NEB: variants seen among roughly 807,000 people sequenced by gnomAD.
NEB encodes the protein nebulin.
A neutral mutation model predicts 952.2 loss-of-function variants in NEB; 512 were observed. The ratio of observed to expected loss-of-function variants is 0.54; its 90% CI spans 0.50 to 0.58. NEB has a LOEUF of 0.58. NEB is among the 20% of genes least tolerant of loss of function. The pLI is 0.00. For missense variants in NEB, 8,428 were observed against 9,231.1 expected, an observed-to-expected ratio of 0.91 and a Z score of 3.56; for synonymous variants, 2,900 against 3,149.8, an observed-to-expected ratio of 0.92 and a Z score of 2.66.
intron 48 of NEB, 22 bp downstream of exon 48, chr2:151,657,961 T>C: frequency 6.5e-7 from 1 of 1,535,842 alleles, no homozygotes; most frequent in East Asian, 2.3e-5. Context: ...CCCAGCCAGG[T>C]GACCGTTTCC....
intron 9 of NEB, among the ~76,000 whole-genome samples, chr2:151,720,878 A>G (rs2099772363): frequency 6.6e-6 from 1 of 152,136 alleles, no homozygotes; most frequent in African/African-American, 2.4e-5. Flanking sequence ...ATGACTCTCA[A>G]ATATTAATTT....
intron 62 of NEB, 56 bp from the exon 63 acceptor site, chr2:151,639,440 G>C (rs954151310): frequency 8.1e-7 from 1 of 1,241,614 alleles, no homozygotes; most frequent in Non-Finnish European, 1.1e-6. Flanking sequence ...ATAGTTAATA[G>C]GAATTTTAGG....
At chr2:151,520,039 CAA>C (rs5835369) in intron 153 of NEB, 8,465 of 158,584 alleles carry the variant, frequency 0.053, 171 homozygotes, top group East Asian at 0.23. Flanking sequence ...TAATGCAAAA[CAA>C]AAAAAAAAAA....
At chr2:151,506,474 A>G (rs1480687253) in intron 163 of NEB, 2 of 514,680 alleles carry the variant, frequency 3.9e-6, no homozygotes, top group East Asian at 6.2e-5. Flanking sequence ...GATTTCTTCT[A>G]AGATTGTGGT....
rs2093434337 is a variant in NEB, at chr2:151,537,892, C to T, written c.21082G>A (p.Val7028Ile). Residue 7028 changes from valine to isoleucine, a missense_variant, in exon 140 of 182, where the codon GTC becomes ATC. Coordinates refer to ENST00000397345, the MANE Select transcript of NEB (RefSeq NM_001164508.2). ...DRPEHFHHRA[V>I]TDTVSDVKYK... ...CTCACATCACTGACTGTGTCAGTGA[C>T]TGCTCGGTGGTGGAAATGCTCTGGA... 7 of 1,611,014 alleles carry T rather than the reference C, an allele frequency of 4.3e-6. No homozygotes were observed. Among genetic ancestry groups the T allele is most frequent in the Non-Finnish European group, 5.9e-6 (7 of 1,178,606 alleles).
At chr2:151,511,481 A>AC (rs1256209281) in intron 161 of NEB, among the ~76,000 whole-genome samples, 3 of 152,228 alleles carry the variant, frequency 2.0e-5, no homozygotes, top group Non-Finnish European at 4.4e-5. Flanking sequence ...AAACAAACAA[A>AC]AATAGATTTC....
intron 127 of NEB, 54 bp from the exon 128 acceptor site, chr2:151,552,830 T>C (rs1577226209): frequency 7.4e-7 from 1 of 1,342,542 alleles, no homozygotes; most frequent in Non-Finnish European, 1.1e-6. Flanking sequence ...TGCTTGAAAC[T>C]GCTGGTTTTC....
chr2:151,525,373 A>C, intron 150 of NEB, 100 bp from the exon 151 acceptor site: 1 of 869,932 alleles, frequency 1.1e-6, no homozygotes, highest in Non-Finnish European at 1.8e-6. Context: ...CATGCTCCCC[A>C]TTTTGGCGTC....
intron 179 of NEB, 45 bp downstream of exon 179, chr2:151,491,638 C>T: frequency 7.0e-7 from 1 of 1,425,980 alleles, no homozygotes; most frequent in Non-Finnish European, 9.7e-7. Context: ...CTCTAGCATA[C>T]TAAATGGTGA....
At chr2:151,489,636 A>G (rs1048037882) in intron 181 of NEB, among the ~76,000 whole-genome samples, 8 of 152,164 alleles carry the variant, frequency 5.3e-5, no homozygotes, top group Admixed American at 6.6e-5. Flanking sequence ...AGCTCAAGCA[A>G]TCCTCCTGCA....
At chr2:151,664,738 T>G in intron 43 of NEB, 21 bp downstream of exon 43, 1 of 1,583,234 alleles carries the variant, frequency 6.3e-7, no homozygotes, top group East Asian at 2.2e-5. Context: ...CCCCAGCTTT[T>G]GCTGTTGTTA....
At position 151,644,502 on chromosome 2, in the gene NEB, T is replaced by G. The variant is rs375216853; in HGVS notation, c.7610A>C (p.Lys2537Thr). ...YDLPVDAIPIKAAKASREIAS... is the reference protein window; with the variant it reads ...YDLPVDAIPITAAKASREIAS... ...AATTTCCCGGGAGGCTTTTGCTGCT[T>G]TGATTGGTATGGCATCAACAGGAAG... The change falls in exon 56 of 182, where the codon AAA becomes ACA. Residue 2537 changes from lysine (K) to threonine (T), a missense_variant. Transcript: ENST00000397345. 5.0e-6 allele frequency: 8 copies of G among 1,613,942 alleles called. No homozygotes were observed. The African/African-American group carries it at 8.0e-5, about 16-fold the overall frequency.
At position 151,724,264 on chromosome 2, in the gene NEB, C is replaced by T. The variant is rs2099784020; in HGVS notation, c.608G>A (p.Ser203Asn). ...GGCAATGGAGCAGACCCTTACCTTG[C>T]TGAACATGGCGGTGTTCTTAACGGC... is the stretch of plus-strand genomic sequence containing the variant. Reference protein sequence around the residue: ...VQAVKNTAMFSKKLYTEDWEA... With the variant: ...VQAVKNTAMFNKKLYTEDWEA... Residue 203 changes from serine to asparagine, a missense_variant, in exon 8 of 182, where the codon AGC (serine) becomes AAC (asparagine). Around this residue, in one of 11 missense-constraint regions of NEB, gnomAD observed 2,851 missense variants for 2,791.5 expected, o/e 1.02. Coordinates refer to ENST00000397345, the MANE Select transcript of NEB (RefSeq NM_001164508.2). 1 of 1,611,878 alleles carries T rather than the reference C, an allele frequency of 6.2e-7. No individual in the cohort carries two copies. The highest frequency in any genetic ancestry group is 8.5e-7 in the Non-Finnish European group (1 of 1,178,766).
At chr2:151,579,011 G>A (rs1282732521) in intron 105 of NEB, among the ~76,000 whole-genome samples, 1 of 150,050 alleles carries the variant, frequency 6.7e-6, no homozygotes, top group East Asian at 2.0e-4. Context: ...AACCTGGGAG[G>A]CGGAGGTTGC....
chr2:151,528,162 G>T (rs889380715), intron 146 of NEB, among the ~76,000 whole-genome samples: 12 of 152,152 alleles, frequency 7.9e-5, no homozygotes, highest in African/African-American at 2.9e-4. Context: ...GCTGCAGAGG[G>T]GCTTGCATGC....
chr2:151,718,202 C>G (rs1040405300), intron 9 of NEB, among the ~76,000 whole-genome samples: 2 of 152,108 alleles, frequency 1.3e-5, no homozygotes, highest in Admixed American at 1.3e-4. Flanking sequence ...AGAAGAAAAC[C>G]TGCAACTCCA....
chr2:151,513,156 A>G (rs193239623), intron 160 of NEB, among the ~76,000 whole-genome samples: 1 of 152,346 alleles, frequency 6.6e-6, no homozygotes, highest in East Asian at 1.9e-4. Flanking sequence ...CAAAAGACCC[A>G]TACCAATGAG....
chr2:151,610,653 T>C, intron 79 of NEB, 30 bp from the exon 80 acceptor site: 1 of 1,587,358 alleles, frequency 6.3e-7, no homozygotes, highest in Non-Finnish European at 8.7e-7. Context: ...CGACAGAAAA[T>C]AAGAGTGTTT....
chr2:151,688,259 C>A, intron 25 of NEB, 33 bp downstream of exon 25: 3 of 1,488,570 alleles, frequency 2.0e-6, no homozygotes, highest in Non-Finnish European at 2.8e-6. Context: ...TTCATGTACA[C>A]CAAACATAGG....
Sources: allele counts gnomAD v4.1 joint callset (sites outside exome capture counted in the v4.1 genomes callset), GRCh38; gene constraint gnomAD v4.1.1; regional missense constraint gnomAD v4.1.1; transcripts MANE v1.5; gene names NCBI Gene and HGNC (gene_info 2026-07-23, HGNC 2026-07-21).